The following C10orf90 variants were observed in gnomAD, a reference collection of about 807,000 sequenced individuals.
C10orf90 encodes the protein (E2-independent) E3 ubiquitin-conjugating enzyme FATS.
In C10orf90, 56 loss-of-function variants were observed where a neutral mutation model predicts 62.5. The ratio of observed to expected loss-of-function variants is 0.90; its 90% CI spans 0.72 to 1.12. The LOEUF is 1.12. C10orf90 is among the 50% of genes most tolerant of loss of function. C10orf90 has a pLI of 0.00. For synonymous variants in C10orf90, 386 were observed against 340.4 expected (o/e 1.13, Z -1.47); for missense variants, 970 against 880.4 (o/e 1.10, Z -1.29).
At chr10:126,451,698 AT>A (rs1314530131) in intron 7 of C10orf90, among the ~76,000 whole-genome samples, 1 of 151,834 alleles carries the variant, frequency 6.6e-6, no homozygotes, top group Non-Finnish European at 1.5e-5. Context: ...GTCTATTGAT[AT>A]ATATATACAC....
At chr10:126,657,141 G>GTT (rs11379211) in intron 1 of C10orf90, among the ~76,000 whole-genome samples, 8 of 151,472 alleles carry the variant, frequency 5.3e-5, no homozygotes, top group African/African-American at 1.9e-4. Context: ...TATTTTGAAT[G>GTT]TTTTTTTTTA....
At chr10:126,470,001 T>C (rs1481641279) in intron 4 of C10orf90, 4 of 456,554 alleles carry the variant, frequency 8.8e-6, no homozygotes, top group African/African-American at 6.0e-5. Context: ...CTGCATGTTG[T>C]GTCCTGCAGT....
chr10:126,491,729 A>G (rs1298968867), intron 4 of C10orf90, among the ~76,000 whole-genome samples: 2 of 152,234 alleles, frequency 1.3e-5, no homozygotes, highest in Non-Finnish European at 2.9e-5. Flanking sequence ...TAAGTCAGGG[A>G]AATCCTTGCA....
chr10:126,644,231 G>A (rs534979591), intron 2 of C10orf90, among the ~76,000 whole-genome samples: 12 of 152,224 alleles, frequency 7.9e-5, no homozygotes, highest in Admixed American at 7.8e-4. Flanking sequence ...CTGCCTTTCG[G>A]CCGTAAACCT....
chr10:126,538,183 G>A (rs758774875), intron 2 of C10orf90, among the ~76,000 whole-genome samples: 3 of 152,178 alleles, frequency 2.0e-5, no homozygotes, highest in Non-Finnish European at 2.9e-5. Context: ...GCAAGAGAGT[G>A]TGTTCAGGGG....
chr10:126,585,606 A>T (rs1844854750), intron 2 of C10orf90, among the ~76,000 whole-genome samples: 1 of 152,116 alleles, frequency 6.6e-6, no homozygotes, highest in Non-Finnish European at 1.5e-5. Context: ...AGAAGGATGG[A>T]TGGAAGAAAG....
At chr10:126,500,732 T>A (rs979764570) in intron 4 of C10orf90, among the ~76,000 whole-genome samples, 4 of 152,214 alleles carry the variant, frequency 2.6e-5, no homozygotes, top group African/African-American at 9.6e-5. Flanking sequence ...CTCACGCGTC[T>A]ATTGGAATGC....
chr10:126,484,741 AG>A lies in C10orf90; in HGVS notation c.1534+19215del, dbSNP rs546881969. ...GAATATAGCTTAAGAACATAAACAT[AG>A]GTATAGTCAAAGTTTTACACATACA... is the stretch of plus-strand genomic sequence containing the variant. On this transcript the variant is annotated intron_variant, in intron 4 of 9. Transcript: ENST00000488181. 3.1e-3 allele frequency among the ~76,000 whole-genome samples: 470 copies of A among 152,328 alleles called. 3 individuals carry two copies. Among genetic ancestry groups the A allele is most frequent in the African/African-American group, 0.011 (442 of 41,572 alleles).
At position 126,425,739 on chromosome 10, in the gene C10orf90, GAA is replaced by G; in HGVS notation, c.*123_*124del. The stretch of plus-strand genomic sequence containing the variant: ...TCAGGAAGTGATGTTTTCCTTTATG[GAA>G]AAAAAAAATCGAAAGTAAAATAAGT... On this transcript the variant is annotated 3_prime_UTR_variant, in exon 10 of 10. Transcript: ENST00000488181. 3.2e-6 allele frequency: 3 copies of G among 937,378 alleles called. No homozygotes were observed. The highest frequency in any genetic ancestry group is 3.0e-6 in the Non-Finnish European group (2 of 657,010). The allele number at this position is 937,378 out of a possible 1,614,324, so 58.1% of individuals were successfully genotyped here. A position where few individuals can be genotyped will look rare whatever the true frequency, so the allele number is the denominator to read the frequency against.
chr10:126,578,158 A>G (rs1054892204), intron 2 of C10orf90, among the ~76,000 whole-genome samples: 10 of 152,202 alleles, frequency 6.6e-5, no homozygotes, highest in African/African-American at 2.2e-4. Context: ...TATTAAATTA[A>G]GAGCTGTTCA....
intron 2 of C10orf90, among the ~76,000 whole-genome samples, chr10:126,596,656 G>A (rs1412532245): frequency 6.6e-6 from 1 of 152,182 alleles, no homozygotes. Context: ...CTGACACAAA[G>A]CCTATTTTAT....
rs150174806 is a variant in C10orf90, at chr10:126,452,930, G to A, written c.2188+6110C>T. ...ATTAAAGGCTATATGGAGAATGAGA[G>A]CCTTGAGATCAGACCGGTCAACAGG... On this transcript the variant is annotated intron_variant, in intron 7 of 9. Transcript: ENST00000488181. 4.2e-3 allele frequency among the ~76,000 whole-genome samples: 633 copies of A among 152,310 alleles called. 4 individuals are homozygous for A. Among genetic ancestry groups the A allele is most frequent in the African/African-American group, 0.014 (578 of 41,572 alleles).
chr10:126,474,793 C>T (rs1042854502), intron 4 of C10orf90, among the ~76,000 whole-genome samples: 26 of 152,346 alleles, frequency 1.7e-4, no homozygotes, highest in African/African-American at 4.6e-4. Flanking sequence ...CACATCTGAA[C>T]GTAACTTGCA....
intron 1 of C10orf90, among the ~76,000 whole-genome samples, chr10:126,656,369 CAAG>C (rs909989304): frequency 2.0e-5 from 3 of 152,158 alleles, no homozygotes; most frequent in African/African-American, 4.8e-5. Context: ...CAAAGCAGCA[CAAG>C]AAGAAGGTAC....
chr10:126,557,325 C>G (rs1289172492), intron 2 of C10orf90, among the ~76,000 whole-genome samples: 4 of 151,790 alleles, frequency 2.6e-5, no homozygotes, highest in African/African-American at 9.7e-5. Flanking sequence ...ACTAAAAATA[C>G]AAAAAATTAG....
chr10:126,633,978 G>A (rs1001405771), intron 2 of C10orf90, among the ~76,000 whole-genome samples: 2 of 152,144 alleles, frequency 1.3e-5, no homozygotes, highest in Non-Finnish European at 1.5e-5. Context: ...AAGAAGAAAC[G>A]ATAAGTTTTG....
In C10orf90 at chr10:126,529,886, T is replaced by C. The variant is rs569533622; in HGVS notation, c.314-15947A>G. On this transcript the variant is annotated intron_variant, in intron 2 of 9. Transcript: ENST00000488181. ...ATCAAAATCTAATACTGCATTAAGA[T>C]GTGCCATTTACAAATGTATCATCAA... Among the ~76,000 whole-genome samples the C allele has an allele frequency of 2.6e-5, 4 of 152,356 alleles. No homozygotes were observed. In the East Asian group the frequency reaches 7.7e-4, roughly 29 times the overall value.
chr10:126,618,219 C>T (rs1450550741), intron 2 of C10orf90, among the ~76,000 whole-genome samples: 2 of 152,198 alleles, frequency 1.3e-5, no homozygotes, highest in Non-Finnish European at 2.9e-5. Flanking sequence ...ACACTACCAT[C>T]AACTGTCAAG....
intron 4 of C10orf90, among the ~76,000 whole-genome samples, chr10:126,484,114 T>A (rs752970349): frequency 2.0e-5 from 3 of 152,178 alleles, no homozygotes; most frequent in Middle Eastern, 3.2e-3. Context: ...AAAGTTATCC[T>A]TCTCTTCACT....
Sources: allele counts gnomAD v4.1 joint callset (sites outside exome capture counted in the v4.1 genomes callset), GRCh38; gene constraint gnomAD v4.1.1; transcripts MANE v1.5; gene names NCBI Gene and HGNC (gene_info 2026-07-23, HGNC 2026-07-21).